SMYD3: variants seen among roughly 807,000 people sequenced by gnomAD.
SMYD3 encodes histone-lysine N-methyltransferase SMYD3.
Under a neutral mutation model 57.7 loss-of-function variants are expected in SMYD3, and 36 were observed. That is an observed-to-expected ratio of 0.62 (90% CI 0.48 to 0.82). The LOEUF is 0.82. SMYD3 is among the 40% of genes least tolerant of loss of function. The probability of loss-of-function intolerance (pLI) is 0.00; values close to 1 mark genes in which losing one functional copy is unlikely to be tolerated. For synonymous variants in SMYD3, 211 were observed against 195.0 expected (o/e 1.08, Z -0.68); for missense variants, 515 against 538.8 (o/e 0.96, Z 0.44).
At chr1:246,337,199 A>G (rs2065555727) in intron 2 of SMYD3, among the ~76,000 whole-genome samples, 1 of 152,324 alleles carries the variant, frequency 6.6e-6, no homozygotes, top group Non-Finnish European at 1.5e-5. Context: ...TACATGGTAC[A>G]ATTGTCAAGT....
At chr1:246,418,752 G>A (rs563806242) in intron 1 of SMYD3, among the ~76,000 whole-genome samples, 3 of 152,120 alleles carry the variant, frequency 2.0e-5, no homozygotes, top group South Asian at 2.1e-4. Context: ...CAAACTCCAC[G>A]TCGTTCTGCT....
chr1:246,231,449 C>A (rs548557393), intron 5 of SMYD3, among the ~76,000 whole-genome samples: 1 of 152,106 alleles, frequency 6.6e-6, no homozygotes, highest in Non-Finnish European at 1.5e-5. Flanking sequence ...AAATTTTATG[C>A]ACCAATAATT....
intron 5 of SMYD3, among the ~76,000 whole-genome samples, chr1:245,937,892 C>G (rs2057046923): frequency 6.6e-6 from 1 of 152,210 alleles, no homozygotes; most frequent in African/African-American, 2.4e-5. Flanking sequence ...ATTCCTAAAT[C>G]AAGTATGCTA....
At chr1:246,315,847 C>G (rs907959242) in intron 5 of SMYD3, among the ~76,000 whole-genome samples, 1 of 152,192 alleles carries the variant, frequency 6.6e-6, no homozygotes, top group African/African-American at 2.4e-5. Flanking sequence ...TTTGGCGAAG[C>G]CATCCCCAAA....
At chr1:246,149,143 T>C (rs1406389231) in intron 5 of SMYD3, among the ~76,000 whole-genome samples, 2 of 152,258 alleles carry the variant, frequency 1.3e-5, no homozygotes, top group Non-Finnish European at 2.9e-5. Context: ...GGCCTGATTT[T>C]TAAAATACCT....
At chr1:246,272,524 C>T (rs943840993) in intron 5 of SMYD3, among the ~76,000 whole-genome samples, 2 of 152,134 alleles carry the variant, frequency 1.3e-5, no homozygotes, top group Non-Finnish European at 2.9e-5. Flanking sequence ...TTTTCTGCTT[C>T]GATTCAGATG....
At chr1:246,278,363 A>G (rs1471271062) in intron 5 of SMYD3, among the ~76,000 whole-genome samples, 3 of 152,166 alleles carry the variant, frequency 2.0e-5, no homozygotes, top group Non-Finnish European at 4.4e-5. Context: ...ATGTATGGGC[A>G]TGATCTGTGA....
chr1:246,016,446 G>C (rs1399964796), intron 5 of SMYD3, among the ~76,000 whole-genome samples: 1 of 151,040 alleles, frequency 6.6e-6, no homozygotes, highest in Non-Finnish European at 1.5e-5. Context: ...AGCCAGGCGT[G>C]GTGGCATGTG....
At chr1:246,036,247 A>AG (rs1364530964) in intron 5 of SMYD3, among the ~76,000 whole-genome samples, 1 of 152,208 alleles carries the variant, frequency 6.6e-6, no homozygotes, top group Non-Finnish European at 1.5e-5. Context: ...AGCCACAGGC[A>AG]GGGACTAGAA....
At chr1:246,264,850 G>A (rs2064074441) in intron 5 of SMYD3, among the ~76,000 whole-genome samples, 1 of 152,148 alleles carries the variant, frequency 6.6e-6, no homozygotes, top group African/African-American at 2.4e-5. Flanking sequence ...TATTTACTAA[G>A]TGCTATGTTC....
intron 10 of SMYD3, among the ~76,000 whole-genome samples, chr1:245,792,012 T>A (rs2047297215): frequency 6.6e-6 from 1 of 151,416 alleles, no homozygotes; most frequent in Non-Finnish European, 1.5e-5. Context: ...CCCAAAAGGC[T>A]GTTCGATGAA....
At chr1:246,286,445 T>C (rs2064565317) in intron 5 of SMYD3, among the ~76,000 whole-genome samples, 1 of 152,198 alleles carries the variant, frequency 6.6e-6, no homozygotes, top group Non-Finnish European at 1.5e-5. Context: ...TCTTTAAAAT[T>C]CATCATACAA....
At chr1:246,448,704 TAAAAAAAAAAA>T (rs1553349829) in intron 1 of SMYD3, among the ~76,000 whole-genome samples, 2 of 81,438 alleles carry the variant, frequency 2.5e-5, no homozygotes, top group Admixed American at 2.8e-4. Flanking sequence ...CTCTTTTTTT[TAAAAAAAAAAA>T]AAAAAAAAAA....
chr1:246,463,420 G>A (rs1301897285), intron 1 of SMYD3, among the ~76,000 whole-genome samples: 1 of 152,078 alleles, frequency 6.6e-6, no homozygotes, highest in East Asian at 1.9e-4. Flanking sequence ...GAAGGTAGGA[G>A]AGAAGCAAAT....
intron 8 of SMYD3, among the ~76,000 whole-genome samples, chr1:245,875,071 G>A (rs982414717): frequency 5.3e-5 from 8 of 152,226 alleles, no homozygotes; most frequent in African/African-American, 1.7e-4. Flanking sequence ...ACGGCGAGCC[G>A]CTTCCTGGCA....
chr1:246,035,106 C>T (rs192876678), intron 5 of SMYD3: 33 of 152,292 alleles, frequency 2.2e-4, no homozygotes, highest in African/African-American at 7.9e-4. Flanking sequence ...GAGATAAAAT[C>T]ACCCAGGAGG....
chr1:246,079,516 TGTTGTACATGG>T (rs2060603043), intron 5 of SMYD3, among the ~76,000 whole-genome samples: 1 of 152,264 alleles, frequency 6.6e-6, no homozygotes, highest in Non-Finnish European at 1.5e-5. Context: ...TTTCTCTAAT[TGTTGTACATGG>T]GTAAGTAAAA....
chr1:246,066,783 T>C (rs1268459060), intron 5 of SMYD3, among the ~76,000 whole-genome samples: 1 of 152,226 alleles, frequency 6.6e-6, no homozygotes, highest in Non-Finnish European at 1.5e-5. Context: ...GGGCAGACTA[T>C]TATCTGAAAG....
chr1:246,395,757 C>T lies in SMYD3; in HGVS notation c.165-40663G>A, dbSNP rs1257756489. 2.1e-4 allele frequency among the ~76,000 whole-genome samples: 31 copies of T among 147,314 alleles called. No homozygotes were observed. In the East Asian group the frequency reaches 2.2e-3, roughly 11 times the overall value. ...ACAGGGAAGACGAACCCACCACAGT[C>T]AGACAGGGAAGAGGAACCCACCATG... On this transcript the variant is annotated intron_variant, in intron 1 of 11. Coordinates refer to ENST00000490107, the MANE Select transcript of SMYD3 (RefSeq NM_001167740.2).
Sources: gnomAD v4.1 joint callset for allele counts (sites outside exome capture counted in the v4.1 genomes callset) on GRCh38, gnomAD v4.1.1 for gene constraint, MANE v1.5 for transcripts, NCBI Gene and HGNC (gene_info 2026-07-23, HGNC 2026-07-21) for gene names.